The following CSMD1 variants were observed in gnomAD, a reference collection of about 807,000 sequenced individuals.
The protein encoded by CSMD1 is CUB and Sushi multiple domains 1, also known as CUB and sushi domain-containing protein 1.
In CSMD1, 213 loss-of-function variants were observed where a neutral mutation model predicts 417.5. The ratio of observed to expected loss-of-function variants is 0.51; its 90% CI spans 0.46 to 0.57. The LOEUF (loss-of-function observed/expected upper bound fraction) is 0.57, where lower values mean the gene tolerates loss of function less well. CSMD1 is among the 20% of genes least tolerant of loss of function. The pLI, the probability that CSMD1 is intolerant of heterozygous loss-of-function variation, is 0.00. For missense variants in CSMD1, 6,923 were observed against 4,529.7 expected, an observed-to-expected ratio of 1.53 and a Z score of -15.17; for synonymous variants, 2,862 against 1,736.8, an observed-to-expected ratio of 1.65 and a Z score of -16.11.
chr8:4,454,297 G>C (rs1362856016), intron 2 of CSMD1, among the ~76,000 whole-genome samples: 8 of 152,150 alleles, frequency 5.3e-5, no homozygotes, highest in African/African-American at 1.9e-4. Context: ...GTGGACACCA[G>C]ACGCAGCCTC....
intron 42 of CSMD1, among the ~76,000 whole-genome samples, chr8:3,112,303 C>G (rs1816566052): frequency 6.6e-6 from 1 of 152,170 alleles, no homozygotes; most frequent in South Asian, 2.1e-4. Context: ...TTAGTGTGGA[C>G]TTACAATGCT....
intron 10 of CSMD1, among the ~76,000 whole-genome samples, chr8:3,496,322 G>A (rs1191352656): frequency 6.6e-6 from 1 of 152,060 alleles, no homozygotes; most frequent in East Asian, 1.9e-4. Context: ...TTGGTTTGCT[G>A]TTCTGCCTGC....
chr8:3,608,299 T>C (rs944460375), intron 8 of CSMD1, among the ~76,000 whole-genome samples: 5 of 151,702 alleles, frequency 3.3e-5, no homozygotes, highest in African/African-American at 1.2e-4. Context: ...TGTGGCCACA[T>C]GGAGCTCTTT....
intron 26 of CSMD1, among the ~76,000 whole-genome samples, chr8:3,266,999 T>G (rs1281419334): frequency 6.6e-6 from 1 of 152,116 alleles, no homozygotes; most frequent in African/African-American, 2.4e-5. Context: ...CTGACACTCA[T>G]ATGTGAACGA....
At chr8:3,905,913 G>T (rs1028614819) in intron 5 of CSMD1, among the ~76,000 whole-genome samples, 6 of 152,152 alleles carry the variant, frequency 3.9e-5, no homozygotes, top group African/African-American at 1.2e-4. Flanking sequence ...CCTTTGCAAT[G>T]GGCCAATTTA....
chr8:3,378,525 C>T (rs1810449634), intron 18 of CSMD1, among the ~76,000 whole-genome samples: 2 of 152,144 alleles, frequency 1.3e-5, no homozygotes, highest in Non-Finnish European at 2.9e-5. Flanking sequence ...CCAATTCCAG[C>T]AGCACATCAA....
At chr8:3,829,567 C>A (rs1219300342) in intron 5 of CSMD1, among the ~76,000 whole-genome samples, 2 of 152,146 alleles carry the variant, frequency 1.3e-5, no homozygotes, top group African/African-American at 4.8e-5. Flanking sequence ...CTTTTCCCTG[C>A]TGTAACCTCC....
Position 3,086,907 on chromosome 8 carries a change from T to G in CSMD1, c.7474+190A>C, listed in dbSNP as rs1814570021. Reference sequence around the variant, plus strand: ...GTGAATGTCCAACCCTTCTCCAAATTCAGGCTATACAACTACATGTCAGGA... The same window carrying G: ...GTGAATGTCCAACCCTTCTCCAAATGCAGGCTATACAACTACATGTCAGGA... On this transcript the variant is annotated intron_variant, in intron 49 of 69. Transcript: ENST00000635120. Among the ~76,000 whole-genome samples the G allele has an allele frequency of 1.3e-5, 2 of 152,190 alleles. 1 individual carries two copies. The highest frequency in any genetic ancestry group is 4.1e-4 in the South Asian group (2 of 4,830).
chr8:4,396,561 C>A (rs1804229586), intron 3 of CSMD1, among the ~76,000 whole-genome samples: 1 of 151,980 alleles, frequency 6.6e-6, no homozygotes, highest in African/African-American at 2.4e-5. Context: ...GCAAAATTCG[C>A]AACTGCAACC....
chr8:4,448,059 C>G (rs1798920438), intron 2 of CSMD1, among the ~76,000 whole-genome samples: 1 of 152,100 alleles, frequency 6.6e-6, no homozygotes, highest in African/African-American at 2.4e-5. Flanking sequence ...GAATATCACC[C>G]CTAAGCTTAG....
At position 4,721,323 on chromosome 8, in the gene CSMD1, G is replaced by A. The variant is rs78466733; in HGVS notation, c.86-83765C>T. ...ATGTGATTTTGTAGTTGGTGGGTTT[G>A]ATGAGTAGAACAATCTCTTTTTATT... On this transcript the variant is annotated intron_variant, in intron 1 of 69. Transcript: ENST00000635120. Among the ~76,000 whole-genome samples the A allele has an allele frequency of 7.5e-3, 1,136 of 152,252 alleles. 8 individuals are homozygous for A. The highest frequency in any genetic ancestry group is 0.012 in the Non-Finnish European group (843 of 68,016).
chr8:3,256,323 A>AAAG (rs1554487842), intron 26 of CSMD1, among the ~76,000 whole-genome samples: 62 of 138,022 alleles, frequency 4.5e-4, no homozygotes, highest in African/African-American at 1.6e-3. Context: ...AAAAAAAAAA[A>AAAG]AAGAGAAGAA....
At chr8:4,335,370 G>A (rs1473965766) in intron 3 of CSMD1, among the ~76,000 whole-genome samples, 1 of 152,042 alleles carries the variant, frequency 6.6e-6, no homozygotes, top group Admixed American at 6.6e-5. Flanking sequence ...TAGGAATCTG[G>A]ATATACACAT....
intron 3 of CSMD1, among the ~76,000 whole-genome samples, chr8:4,313,508 A>AC (rs34928464): frequency 3.3e-4 from 1 of 3,014 alleles, no homozygotes; most frequent in Admixed American, 8.2e-3. Context: ...TGTCAAAATG[A>AC]AAAAAAAAAA....
At chr8:4,588,680 G>C (rs1325786535) in intron 2 of CSMD1, among the ~76,000 whole-genome samples, 1 of 151,810 alleles carries the variant, frequency 6.6e-6, no homozygotes, top group African/African-American at 2.4e-5. Flanking sequence ...AGCTACTCAA[G>C]AGGCTGAGGC....
intron 1 of CSMD1, among the ~76,000 whole-genome samples, chr8:4,774,446 C>T (rs1314108536): frequency 2.0e-5 from 3 of 152,152 alleles, no homozygotes; most frequent in South Asian, 2.1e-4. Flanking sequence ...AGTAAGTATA[C>T]TCCTCTAACA....
In CSMD1 at chr8:4,256,383, A is replaced by T. The variant is rs555649312; in HGVS notation, c.415+163570T>A. 7.6e-4 allele frequency among the ~76,000 whole-genome samples: 115 copies of T among 152,262 alleles called. 1 individual carries two copies. The highest frequency in any genetic ancestry group is 2.7e-3 in the African/African-American group (112 of 41,540). ...AAATGAATACATTGCTCTGATTACT[A>T]CACCCCTCTGAATTTCTCTTTTCTC... is the stretch of plus-strand genomic sequence containing the variant. On this transcript the variant is annotated intron_variant, in intron 3 of 69. Transcript: ENST00000635120.
rs576347167 is a variant in CSMD1 at position 4,357,434 on chromosome 8, A to C, written c.415+62519T>G. On this transcript the variant is annotated intron_variant, in intron 3 of 69. Coordinates refer to ENST00000635120, the MANE Select transcript of CSMD1 (RefSeq NM_033225.6). ...CCAAGGCCAGAAATATTAAGAGTTT[A>C]TATTTTATCACCTCCAAGATACTTC... Among the ~76,000 whole-genome samples, 9 of 152,296 alleles carry C rather than the reference A, an allele frequency of 5.9e-5. No homozygotes were observed. In the South Asian group the frequency reaches 1.9e-3, roughly 32 times the overall value.
rs1458686608 is a variant in CSMD1 at position 3,757,372 on chromosome 8, G to A, written c.819-3330C>T. ...TGGCAAGTAGCCATAAAATGGCAGTGGGTGTGTTCCAATAACACTTTATTT... is the reference window on the plus strand; with the variant it reads ...TGGCAAGTAGCCATAAAATGGCAGTAGGTGTGTTCCAATAACACTTTATTT... On this transcript the variant is annotated intron_variant, in intron 5 of 69. Coordinates refer to ENST00000635120, the MANE Select transcript of CSMD1 (RefSeq NM_033225.6). Among the ~76,000 whole-genome samples, 3 of 152,158 alleles carry A rather than the reference G, an allele frequency of 2.0e-5. No individual in the cohort carries two copies. In the East Asian group the frequency reaches 5.8e-4, roughly 29 times the overall value.
Sources: gnomAD v4.1 joint callset for allele counts (sites outside exome capture counted in the v4.1 genomes callset) on GRCh38, gnomAD v4.1.1 for gene constraint, MANE v1.5 for transcripts, NCBI Gene and HGNC (gene_info 2026-07-23, HGNC 2026-07-21) for gene names.